Variants in DLGAP2 observed in about 807,000 individuals in gnomAD.
The protein encoded by DLGAP2 is DLG associated protein 2, also known as disks large-associated protein 2.
DLGAP2 carries 26 observed loss-of-function variants against 100.3 expected under a neutral mutation model. That is an observed-to-expected ratio of 0.26 (90% CI 0.19 to 0.36). DLGAP2 has a LOEUF of 0.36. Ranked by LOEUF, DLGAP2 falls within the 10% of genes least tolerant of loss-of-function variation. The probability of loss-of-function intolerance (pLI) is 1.00; values close to 1 mark genes in which losing one functional copy is unlikely to be tolerated. For synonymous variants in DLGAP2, 886 were observed against 630.1 expected (o/e 1.41, Z -6.08); for missense variants, 1,858 against 1,453.2 (o/e 1.28, Z -4.53).
chr8:1,075,020 TG>T (rs1803561086), intron 2 of DLGAP2, among the ~76,000 whole-genome samples: 1 of 130,010 alleles, frequency 7.7e-6, no homozygotes, highest in Non-Finnish European at 1.6e-5. Flanking sequence ...AGGGGTGGAG[TG>T]GGGGATGGCG....
rs141420615 is a variant in DLGAP2, at chr8:1,212,274, G to C, written c.74-46577G>C. On this transcript the variant is annotated intron_variant, in intron 2 of 14. Transcript: ENST00000637795. ...ATCTCACCAGGGAAAGAAGGGATTG[G>C]ACTTGGAGCTGCTTTCAGTTCTAAG... is the stretch of plus-strand genomic sequence containing the variant. Among the ~76,000 whole-genome samples, 241 of 152,308 alleles carry C rather than the reference G, an allele frequency of 1.6e-3. 1 individual carries two copies. The highest frequency in any genetic ancestry group is 5.2e-3 in the African/African-American group (217 of 41,564).
chr8:782,893 C>A lies in DLGAP2; in HGVS notation c.18+45068C>A, dbSNP rs544080405. ...GTCAGGTGACAGAAGAAGAACCAAC[C>A]CCCAAATCACAATACTCTGTTAGGG... On this transcript the variant is annotated intron_variant, in intron 1 of 14. Coordinates refer to ENST00000637795, the MANE Select transcript of DLGAP2 (RefSeq NM_001346810.2). Among the ~76,000 whole-genome samples, 8 of 152,250 alleles carry A rather than the reference C, an allele frequency of 5.3e-5. No homozygotes were observed. In the East Asian group the frequency reaches 1.5e-3, roughly 29 times the overall value.
chr8:1,214,648 G>T (rs1204816639), intron 2 of DLGAP2, among the ~76,000 whole-genome samples: 1 of 152,178 alleles, frequency 6.6e-6, no homozygotes, highest in East Asian at 1.9e-4. Flanking sequence ...TCTGTTTTCA[G>T]TTAGGCTCTG....
At chr8:942,990 TG>T (rs1301222675) in intron 2 of DLGAP2, among the ~76,000 whole-genome samples, 8 of 152,214 alleles carry the variant, frequency 5.3e-5, no homozygotes, top group Non-Finnish European at 1.0e-4. Context: ...CATCGGAGCC[TG>T]GGAGTTCGGG....
At chr8:1,121,963 G>A (rs1160309273) in intron 2 of DLGAP2, among the ~76,000 whole-genome samples, 1 of 152,174 alleles carries the variant, frequency 6.6e-6, no homozygotes, top group Non-Finnish European at 1.5e-5. Context: ...GGTATTGAGT[G>A]CTTCTTTCTC....
intron 1 of DLGAP2, among the ~76,000 whole-genome samples, chr8:860,877 A>T (rs1797376100): frequency 6.6e-6 from 1 of 152,180 alleles, no homozygotes; most frequent in Non-Finnish European, 1.5e-5. Context: ...CTATGAAGAA[A>T]TGGTAAAGTA....
chr8:740,100 C>T (rs1203420187), intron 1 of DLGAP2: 3 of 152,158 alleles, frequency 2.0e-5, no homozygotes, highest in Non-Finnish European at 2.9e-5. Flanking sequence ...GAATGGCTTC[C>T]TCTGTTGATC....
At chr8:1,284,380 C>A (rs141807726) in intron 3 of DLGAP2, among the ~76,000 whole-genome samples, 1 of 152,028 alleles carries the variant, frequency 6.6e-6, no homozygotes, top group Non-Finnish European at 1.5e-5. Flanking sequence ...TAAAATGATC[C>A]CATCAGTAAT....
chr8:1,284,418 G>C (rs907407871), intron 3 of DLGAP2, among the ~76,000 whole-genome samples: 1 of 152,132 alleles, frequency 6.6e-6, no homozygotes, highest in African/African-American at 2.4e-5. Flanking sequence ...AGGAGACAGT[G>C]AGAGTGTGCA....
intron 1 of DLGAP2, among the ~76,000 whole-genome samples, chr8:751,443 G>A (rs567203841): frequency 1.3e-5 from 2 of 152,354 alleles, no homozygotes; most frequent in Admixed American, 6.5e-5. Context: ...TCACTCGGCC[G>A]TCTCGTGACT....
chr8:781,769 G>A (rs978057145), intron 1 of DLGAP2, among the ~76,000 whole-genome samples: 2 of 152,156 alleles, frequency 1.3e-5, no homozygotes, highest in Admixed American at 1.3e-4. Flanking sequence ...GTTGCTATGG[G>A]AACTACAACT....
At chr8:743,922 C>T (rs1281052072) in intron 1 of DLGAP2, among the ~76,000 whole-genome samples, 2 of 152,256 alleles carry the variant, frequency 1.3e-5, no homozygotes, top group Non-Finnish European at 2.9e-5. Context: ...GGATCACTCA[C>T]TAAGCTACTG....
intron 3 of DLGAP2, among the ~76,000 whole-genome samples, chr8:1,280,929 A>G (rs1799802004): frequency 6.6e-6 from 1 of 152,216 alleles, no homozygotes; most frequent in Admixed American, 6.5e-5. Flanking sequence ...CTGCGTTTGT[A>G]TCAGAAGCTA....
At chr8:1,290,478 G>T (rs1480742525) in intron 3 of DLGAP2, among the ~76,000 whole-genome samples, 2 of 152,152 alleles carry the variant, frequency 1.3e-5, no homozygotes, top group South Asian at 2.1e-4. Context: ...TCTCATCAGA[G>T]GATAAAATCA....
intron 2 of DLGAP2, among the ~76,000 whole-genome samples, chr8:1,224,888 C>T (rs1049950344): frequency 3.3e-5 from 5 of 152,180 alleles, no homozygotes; most frequent in Non-Finnish European, 2.9e-5. Flanking sequence ...GTGAACTGCT[C>T]CCCCACATCT....
chr8:748,174 ATGG>A (rs1820695660), intron 1 of DLGAP2, among the ~76,000 whole-genome samples: 2 of 25,980 alleles, frequency 7.7e-5, no homozygotes, highest in African/African-American at 1.7e-4. Context: ...CTGCGGTGGG[ATGG>A]GCGGGTCTGC....
intron 3 of DLGAP2, among the ~76,000 whole-genome samples, chr8:1,333,095 C>T (rs994019340): frequency 1.9e-4 from 29 of 152,168 alleles, no homozygotes; most frequent in Admixed American, 1.4e-3. Context: ...TTCATGCCTC[C>T]GGGCGGTCTG....
chr8:1,111,330 C>G (rs1365223916), intron 2 of DLGAP2, among the ~76,000 whole-genome samples: 1 of 152,152 alleles, frequency 6.6e-6, no homozygotes, highest in Non-Finnish European at 1.5e-5. Flanking sequence ...GATTTTCAGG[C>G]CAGACTCCCT....
intron 1 of DLGAP2, among the ~76,000 whole-genome samples, chr8:797,192 G>A (rs962522329): frequency 3.3e-5 from 5 of 152,188 alleles, no homozygotes; most frequent in Non-Finnish European, 5.9e-5. Context: ...ATCTCCGAAA[G>A]TCCTGTGTGC....
Sources: allele counts gnomAD v4.1 joint callset (sites outside exome capture counted in the v4.1 genomes callset), GRCh38; gene constraint gnomAD v4.1.1; transcripts MANE v1.5; gene names NCBI Gene and HGNC (gene_info 2026-07-23, HGNC 2026-07-21).